NDUFA10: variants seen among roughly 807,000 people sequenced by gnomAD.
NDUFA10 encodes the protein NADH:ubiquinone oxidoreductase subunit A10.
NDUFA10 carries 40 observed loss-of-function variants against 47.8 expected under a neutral mutation model. The observed-to-expected ratio is 0.84, with a 90% CI of 0.65 to 1.09. The LOEUF (loss-of-function observed/expected upper bound fraction) is 1.09, where lower values mean the gene tolerates loss of function less well. Among genes scored for constraint, NDUFA10 ranks in the 50% least tolerant of loss-of-function variants. The pLI is 0.00. For missense variants in NDUFA10, 413 were observed against 451.1 expected, an observed-to-expected ratio of 0.92 and a Z score of 0.76; for synonymous variants, 183 against 172.2, an observed-to-expected ratio of 1.06 and a Z score of -0.49.
chr2:240,020,236 A>G (rs1697564240), intron 3 of NDUFA10, among the ~76,000 whole-genome samples: 1 of 152,158 alleles, frequency 6.6e-6, no homozygotes, highest in Admixed American at 6.5e-5. Context: ...AGCCAACCCT[A>G]GTGGCGGCTG....
intron 7 of NDUFA10, among the ~76,000 whole-genome samples, chr2:240,005,859 G>C (rs1696930058): frequency 3.3e-5 from 5 of 152,184 alleles, no homozygotes; most frequent in Admixed American, 3.3e-4. Context: ...AAAAGGACAG[G>C]TGAGAACAAT....
At chr2:239,956,047 TC>T (rs2106387133), downstream of NDUFA10, among the ~76,000 whole-genome samples, 1 of 152,256 alleles carries the variant, frequency 6.6e-6, no homozygotes, top group South Asian at 2.1e-4. Flanking sequence ...GGAGCCAGGT[TC>T]CAGGCAGGGA....
At chr2:239,969,704 GT>G (rs1438564096) in intron 9 of NDUFA10, 1 of 471,436 alleles carries the variant, frequency 2.1e-6, no homozygotes. Flanking sequence ...CTTCAAAGGT[GT>G]TTTCTTCCAA....
At chr2:239,911,891 G>T (rs1430691271) in intron 4 of NDUFA10, among the ~76,000 whole-genome samples, 1 of 151,996 alleles carries the variant, frequency 6.6e-6, no homozygotes, top group Admixed American at 6.5e-5. Context: ...AGGAAGTGGG[G>T]GAGGCACCGA....
At chr2:239,909,405 G>A (rs572318775) in intron 4 of NDUFA10, among the ~76,000 whole-genome samples, 3 of 152,350 alleles carry the variant, frequency 2.0e-5, no homozygotes, top group East Asian at 3.9e-4. Flanking sequence ...GAGGTCAGGA[G>A]TTCGAGACCA....
Position 239,960,123 on chromosome 2 carries a change from T to G in NDUFA10, c.*995A>C, listed in dbSNP as rs1694789928. ...GCTACCATATTGGACACAGTGGAGC[T>G]TTACAGTGGAAAACCCACAGTTCAG... is the stretch of plus-strand genomic sequence containing the variant. On this transcript the variant is annotated 3_prime_UTR_variant, in exon 10 of 10. Coordinates refer to ENST00000252711, the MANE Select transcript of NDUFA10 (RefSeq NM_004544.4). The G allele has an allele frequency of 1.0e-6, 1 of 985,240 alleles. No homozygotes were observed. Among genetic ancestry groups the G allele is most frequent in the Admixed American group, 6.2e-5 (1 of 16,260 alleles). The allele number at this position is 985,240 out of a possible 1,614,324, so 61.0% of individuals were successfully genotyped here.
At chr2:239,975,305 C>CGTG (rs1695475817) in intron 9 of NDUFA10, among the ~76,000 whole-genome samples, 1 of 152,214 alleles carries the variant, frequency 6.6e-6, no homozygotes, top group Admixed American at 6.5e-5. Context: ...CCTGCAGAAC[C>CGTG]GTGAGCCAAT....
chr2:239,925,696 A>T (rs1694053666), intron 4 of NDUFA10, among the ~76,000 whole-genome samples: 1 of 152,232 alleles, frequency 6.6e-6, no homozygotes, highest in African/African-American at 2.4e-5. Context: ...ACGCAAATTT[A>T]AGTTTTTGCT....
chr2:239,946,531 A>C (rs1256139765), intron 4 of NDUFA10, among the ~76,000 whole-genome samples: 1 of 152,176 alleles, frequency 6.6e-6, no homozygotes, highest in Non-Finnish European at 1.5e-5. Context: ...CTGCAATCAC[A>C]AACACCCCCA....
At chr2:239,916,251 T>C (rs1208151080) in intron 4 of NDUFA10, among the ~76,000 whole-genome samples, 1 of 140,694 alleles carries the variant, frequency 7.1e-6, no homozygotes, top group Admixed American at 7.0e-5. Context: ...CACACAGAGA[T>C]ACACACACAC....
intron 4 of NDUFA10, among the ~76,000 whole-genome samples, chr2:239,925,907 A>C (rs1311878745): frequency 6.6e-6 from 1 of 152,236 alleles, no homozygotes; most frequent in Non-Finnish European, 1.5e-5. Context: ...ACATGTTAAC[A>C]TCACCAGTCA....
chr2:239,970,777 G>C (rs924264212), intron 9 of NDUFA10, among the ~76,000 whole-genome samples: 4 of 152,220 alleles, frequency 2.6e-5, no homozygotes, highest in African/African-American at 7.2e-5. Flanking sequence ...GGGGTAGCTC[G>C]TAAGGCCACA....
intron 3 of NDUFA10, 74 bp from the exon 4 acceptor site, chr2:240,018,713 C>T (rs1697476171): frequency 7.2e-7 from 1 of 1,389,746 alleles, no homozygotes. Context: ...CACTGCATTC[C>T]AGAGAAAAGA....
intron 9 of NDUFA10, among the ~76,000 whole-genome samples, chr2:239,978,224 GA>G (rs897357191): frequency 1.3e-5 from 2 of 152,090 alleles, no homozygotes; most frequent in Non-Finnish European, 2.9e-5. Flanking sequence ...AACACACTGA[GA>G]ATGCCTTAGC....
chr2:239,998,005 T>C (rs1004327452), intron 8 of NDUFA10, among the ~76,000 whole-genome samples: 2 of 152,210 alleles, frequency 1.3e-5, no homozygotes, highest in Non-Finnish European at 2.9e-5. Flanking sequence ...ATGCTCAAAA[T>C]ATTGGAAGTA....
chr2:239,982,226 G>C (rs761314256), intron 9 of NDUFA10: 1 of 1,612,756 alleles, frequency 6.2e-7, no homozygotes, highest in East Asian at 2.2e-5. Flanking sequence ...CCAGCTACAA[G>C]GTTAGACGAA....
At chr2:239,954,978 C>T (rs936977740), downstream of NDUFA10, among the ~76,000 whole-genome samples, 8 of 152,244 alleles carry the variant, frequency 5.3e-5, no homozygotes, top group African/African-American at 1.9e-4. Context: ...GATTTCTAGG[C>T]AGCTGGGATT....
At chr2:239,971,224 T>G (rs556298445) in intron 9 of NDUFA10, among the ~76,000 whole-genome samples, 1 of 152,214 alleles carries the variant, frequency 6.6e-6, no homozygotes, top group African/African-American at 2.4e-5. Flanking sequence ...TCTCAGGAAA[T>G]GTCATTCAGG....
At position 239,957,947 on chromosome 2, in the gene NDUFA10, T is replaced by C. The variant is rs1168313547; in HGVS notation, c.*3171A>G. The C allele has an allele frequency of 1.3e-5, 2 of 152,226 alleles. No individual in the cohort carries two copies. Among genetic ancestry groups the C allele is most frequent in the Non-Finnish European group, 2.9e-5 (2 of 68,038 alleles). The allele number at this position is 152,226 out of a possible 1,614,324, so 9.4% of individuals were successfully genotyped here. Reference sequence around the variant, plus strand: ...GTTATAAGGTCCTTTGCTTTGACAATTCGAGAGAGTATTAGAAAACACTAG... The same window carrying C: ...GTTATAAGGTCCTTTGCTTTGACAACTCGAGAGAGTATTAGAAAACACTAG... On this transcript the variant is annotated 3_prime_UTR_variant, in exon 10 of 10. Transcript: ENST00000252711.
Sources: gnomAD v4.1 joint callset for allele counts (sites outside exome capture counted in the v4.1 genomes callset) on GRCh38, gnomAD v4.1.1 for gene constraint, MANE v1.5 for transcripts, NCBI Gene and HGNC (gene_info 2026-07-23, HGNC 2026-07-21) for gene names.